AUTS2: variants seen among roughly 807,000 people sequenced by gnomAD.
AUTS2 encodes autism susceptibility gene 2 protein.
In AUTS2, 17 loss-of-function variants were observed where a neutral mutation model predicts 112.4. The observed-to-expected ratio is 0.15, with a 90% confidence interval of 0.10 to 0.23. The LOEUF (loss-of-function observed/expected upper bound fraction) is 0.23, where lower values mean the gene tolerates loss of function less well. Ranked by LOEUF, AUTS2 falls within the 10% of genes least tolerant of loss-of-function variation. The probability of loss-of-function intolerance (pLI) is 1.00; values close to 1 mark genes in which losing one functional copy is unlikely to be tolerated. For missense variants in AUTS2, 1,510 were observed against 1,701.6 expected (o/e 0.89, Z 1.98); for synonymous variants, 751 against 702.7 (o/e 1.07, Z -1.09).
At chr7:70,418,980 C>T (rs1161084356) in intron 4 of AUTS2, among the ~76,000 whole-genome samples, 6 of 151,724 alleles carry the variant, frequency 4.0e-5, no homozygotes, top group Non-Finnish European at 7.4e-5. Context: ...TGTATTTTCT[C>T]CTTACTGCTA....
intron 5 of AUTS2, among the ~76,000 whole-genome samples, chr7:70,561,154 C>A (rs1801468638): frequency 6.6e-6 from 1 of 152,170 alleles, no homozygotes; most frequent in Non-Finnish European, 1.5e-5. Flanking sequence ...CTTTCTAAAT[C>A]TTAGCATGTG....
rs1787950452 is a variant in AUTS2, at chr7:70,739,065, G to GC, written c.743-23802dup. ...GAGAGAGACAGGGTCTTGCTCTGTT[G>GC]CCCAGGCTGGAGCACGGTGTTGCTG... On this transcript the variant is annotated intron_variant, in intron 6 of 18. Transcript: ENST00000342771. Among the ~76,000 whole-genome samples the GC allele has an allele frequency of 8.3e-5, 10 of 121,044 alleles. No homozygotes were observed. The South Asian group carries it at 2.7e-3, about 32-fold the overall frequency. 79.4% of individuals were successfully genotyped at this position (121,044 alleles called of 152,430 possible). A position where few individuals can be genotyped will look rare whatever the true frequency, so the allele number is the denominator to read the frequency against.
intron 4 of AUTS2, among the ~76,000 whole-genome samples, chr7:70,410,397 CTTTTATTT>C (rs1794721886): frequency 1.6e-5 from 2 of 123,248 alleles, no homozygotes; most frequent in Non-Finnish European, 3.6e-5. Flanking sequence ...GAGGGTTTGT[CTTTTATTT>C]ATTTATTTAT....
intron 4 of AUTS2, among the ~76,000 whole-genome samples, chr7:70,323,233 G>A (rs575758004): frequency 6.6e-6 from 1 of 152,338 alleles, no homozygotes; most frequent in African/African-American, 2.4e-5. Context: ...AAAACAGGCA[G>A]ACCTAAGTTT....
At chr7:70,347,386 T>C (rs929410756) in intron 4 of AUTS2, among the ~76,000 whole-genome samples, 3 of 152,220 alleles carry the variant, frequency 2.0e-5, no homozygotes, top group Non-Finnish European at 4.4e-5. Context: ...AGGACTGCTC[T>C]TGTGCCTCAC....
intron 5 of AUTS2, among the ~76,000 whole-genome samples, chr7:70,466,480 A>G (rs1160343296): frequency 6.6e-6 from 1 of 152,206 alleles, no homozygotes; most frequent in Non-Finnish European, 1.5e-5. Flanking sequence ...GTAGTGAATA[A>G]GGCTTTTGGG....
chr7:70,006,044 C>T (rs1799532015), intron 2 of AUTS2, among the ~76,000 whole-genome samples: 1 of 152,124 alleles, frequency 6.6e-6, no homozygotes, highest in Non-Finnish European at 1.5e-5. Flanking sequence ...GTGTTTAGTG[C>T]AGCAAGAAAG....
chr7:69,958,842 T>C (rs1797320012), intron 2 of AUTS2, among the ~76,000 whole-genome samples: 1 of 152,166 alleles, frequency 6.6e-6, no homozygotes, highest in African/African-American at 2.4e-5. Context: ...ATGACTGGAT[T>C]GTTTTTGTGG....
intron 1 of AUTS2, among the ~76,000 whole-genome samples, chr7:69,895,548 C>A (rs549385043): frequency 6.8e-6 from 1 of 146,002 alleles, no homozygotes; most frequent in Admixed American, 6.8e-5. Context: ...CTTCTTCCCC[C>A]CCCCCGAGTG....
intron 4 of AUTS2, among the ~76,000 whole-genome samples, chr7:70,269,490 G>A (rs570787867): frequency 6.6e-6 from 1 of 152,246 alleles, no homozygotes; most frequent in Non-Finnish European, 1.5e-5. Flanking sequence ...AGAGTCTGAC[G>A]CTCACTTGTC....
At chr7:70,445,857 G>C (rs1796298000) in intron 5 of AUTS2, among the ~76,000 whole-genome samples, 1 of 152,172 alleles carries the variant, frequency 6.6e-6, no homozygotes, top group South Asian at 2.1e-4. Flanking sequence ...GTTATACCCA[G>C]AAGTTGCTTT....
intron 5 of AUTS2, among the ~76,000 whole-genome samples, chr7:70,523,590 A>T: frequency 6.6e-6 from 1 of 152,112 alleles, no homozygotes; most frequent in Non-Finnish European, 1.5e-5. Context: ...CCTCTTCAGG[A>T]ATCAGTTTGG....
chr7:70,422,245 A>G (rs1409204260), intron 4 of AUTS2, among the ~76,000 whole-genome samples: 2 of 152,208 alleles, frequency 1.3e-5, no homozygotes, highest in Non-Finnish European at 2.9e-5. Flanking sequence ...ACAAAAAAAG[A>G]AATCTGGTTG....
At chr7:70,327,283 C>T (rs547370390) in intron 4 of AUTS2, among the ~76,000 whole-genome samples, 4 of 152,178 alleles carry the variant, frequency 2.6e-5, no homozygotes, top group East Asian at 1.9e-4. Flanking sequence ...TTTCCAGTTC[C>T]GTGTCTTCCC....
intron 1 of AUTS2, among the ~76,000 whole-genome samples, chr7:69,745,187 A>G (rs1415870748): frequency 6.6e-6 from 1 of 152,160 alleles, no homozygotes; most frequent in East Asian, 1.9e-4. Context: ...CCTCGTGTAT[A>G]GATTGGGCTG....
At chr7:70,720,504 A>G (rs1786575040) in intron 6 of AUTS2, among the ~76,000 whole-genome samples, 1 of 152,180 alleles carries the variant, frequency 6.6e-6, no homozygotes, top group Non-Finnish European at 1.5e-5. Context: ...ATGTTCCTAC[A>G]AAGTGTTATG....
intron 4 of AUTS2, among the ~76,000 whole-genome samples, chr7:70,274,559 G>T (rs912493754): frequency 1.3e-5 from 2 of 152,084 alleles, no homozygotes; most frequent in Non-Finnish European, 2.9e-5. Flanking sequence ...CCAAAGGGCT[G>T]GGGTTACAGG....
chr7:70,005,795 T>A lies in AUTS2; in HGVS notation c.522+106297T>A, dbSNP rs550676157. On this transcript the variant is annotated intron_variant, in intron 2 of 18. Transcript: ENST00000342771. The stretch of plus-strand genomic sequence containing the variant: ...CAAATGTGATCTGTGACCTCAAAAT[T>A]GAAAATTTTAGTTAGTGTAATTTTA... Among the ~76,000 whole-genome samples the A allele has an allele frequency of 3.3e-5, 5 of 152,264 alleles. No homozygotes were observed. In the South Asian group the frequency reaches 1.0e-3, roughly 32 times the overall value.
intron 4 of AUTS2, among the ~76,000 whole-genome samples, chr7:70,198,213 A>G (rs1033323599): frequency 6.6e-5 from 10 of 151,152 alleles, no homozygotes; most frequent in African/African-American, 2.4e-4. Flanking sequence ...ATCAAAGACC[A>G]AAATAGATAA....
Sources: allele counts gnomAD v4.1 joint callset (sites outside exome capture counted in the v4.1 genomes callset), GRCh38; gene constraint gnomAD v4.1.1; transcripts MANE v1.5; gene names NCBI Gene and HGNC (gene_info 2026-07-23, HGNC 2026-07-21).